The following CCDC85C variants were observed in gnomAD, a reference collection of about 807,000 sequenced individuals.
CCDC85C encodes the protein coiled-coil domain containing 85C, also known as coiled-coil domain-containing protein 85C.
A neutral mutation model predicts 38.3 loss-of-function variants in CCDC85C; 18 were observed. That is an observed-to-expected ratio of 0.47 (90% confidence interval 0.33 to 0.70). The LOEUF (loss-of-function observed/expected upper bound fraction) is 0.70. Among genes scored for constraint, CCDC85C ranks in the 30% least tolerant of loss-of-function variants. CCDC85C has a pLI of 0.03. For missense variants in CCDC85C, 566 were observed against 621.2 expected, an observed-to-expected ratio of 0.91 and a Z score of 0.94; for synonymous variants, 264 against 293.8, an observed-to-expected ratio of 0.90 and a Z score of 1.04.
intron 1 of CCDC85C, among the ~76,000 whole-genome samples, chr14:99,551,596 GTGAGTGTGCAGGTGGGTGAGCAGT>G (rs1219839729): frequency 6.7e-6 from 1 of 149,400 alleles, no homozygotes; most frequent in African/African-American, 2.5e-5. Context: ...TGGGTGAGAG[GTGAGTGTGCAGGTGGGTGAGCAGT>G]TGAGTGTGCA....
chr14:99,603,001 C>T lies in CCDC85C; in HGVS notation c.793+166G>A, dbSNP rs1456888817. Among the ~76,000 whole-genome samples, 1 of 152,222 alleles carries T rather than the reference C, an allele frequency of 6.6e-6. No homozygotes were observed. The highest frequency in any genetic ancestry group is 1.5e-5 in the Non-Finnish European group (1 of 68,032). ...CGGCCCACCACCGCCCAAAGCCCCA[C>T]TTTGGGTGAGTGCGGGATCCCCTGG... is the stretch of plus-strand genomic sequence containing the variant. On this transcript the variant is annotated intron_variant, in intron 1 of 5. Coordinates refer to ENST00000380243, the MANE Select transcript of CCDC85C (RefSeq NM_001144995.2). This position sits in a 1 kb window ranked among gnomAD's most constrained non-coding sequence, Gnocchi z 7.5.
chr14:99,503,654 T>C lies in CCDC85C; in HGVS notation c.*11592A>G, dbSNP rs1896898328. 1 of 1,553,944 alleles carries C rather than the reference T, an allele frequency of 6.4e-7. No homozygotes were observed. Among genetic ancestry groups the C allele is most frequent in the Non-Finnish European group, 8.7e-7 (1 of 1,147,384 alleles). ...GAGAACAAAGCAGCAGGTAATTTCCTGTTCTGATGTTTTTTTAGTTTTATG... is the reference window on the plus strand; with the variant it reads ...GAGAACAAAGCAGCAGGTAATTTCCCGTTCTGATGTTTTTTTAGTTTTATG... On this transcript the variant is annotated 3_prime_UTR_variant, in exon 6 of 6. Coordinates refer to ENST00000380243, the MANE Select transcript of CCDC85C (RefSeq NM_001144995.2).
At chr14:99,531,746 T>C (rs1897498590) in intron 2 of CCDC85C, among the ~76,000 whole-genome samples, 2 of 150,372 alleles carry the variant, frequency 1.3e-5, no homozygotes, top group African/African-American at 4.9e-5. Flanking sequence ...GAGGTGGGGG[T>C]TTCTGTACAA....
intron 1 of CCDC85C, among the ~76,000 whole-genome samples, chr14:99,574,196 T>C (rs1898420435): frequency 6.6e-6 from 1 of 152,160 alleles, no homozygotes; most frequent in African/African-American, 2.4e-5. Context: ...AGCTGTGCTC[T>C]CTGACCCGCC....
At chr14:99,518,849 A>C (rs1310024862) in intron 3 of CCDC85C, among the ~76,000 whole-genome samples, 1 of 152,118 alleles carries the variant, frequency 6.6e-6, no homozygotes, top group Non-Finnish European at 1.5e-5. Context: ...TGCCCGCCTC[A>C]CTGGGCAGTG....
rs1346352588 is a variant in CCDC85C, at chr14:99,522,218, C to T, written c.890G>A (p.Arg297His). ...GGGCGAGAAGCCTTTCCGCAGCGTG[C>T]GGAACTCTCCGGAGCCTGCCTGCTG... ...LAQQAGSGEF[R>H]TLRKGFSPYH... The change falls in exon 3 of 6, where the codon CGC (arginine) becomes CAC (histidine). Residue 297 changes from arginine to histidine, a missense_variant. Arg to His is a conservative substitution (Grantham distance 29). This residue lies in a region of CCDC85C where 286 missense variants were observed against 276.4 expected (regional missense o/e 1.03). Coordinates refer to ENST00000380243, the MANE Select transcript of CCDC85C (RefSeq NM_001144995.2). 31 of 1,549,304 alleles carry T rather than the reference C, an allele frequency of 2.0e-5. No individual in the cohort carries two copies. In the Admixed American group the frequency reaches 2.2e-4, roughly 11 times the overall value.
At chr14:99,596,405 T>C (rs2055143543) in intron 1 of CCDC85C, among the ~76,000 whole-genome samples, 1 of 151,978 alleles carries the variant, frequency 6.6e-6, no homozygotes, top group Non-Finnish European at 1.5e-5. Context: ...GGCCATCTAC[T>C]GTAGTTAAAC....
chr14:99,522,219 G>A lies in CCDC85C; in HGVS notation c.889C>T (p.Arg297Cys), dbSNP rs904932556. The A allele has an allele frequency of 1.9e-5, 30 of 1,549,430 alleles. No homozygotes were observed. Among genetic ancestry groups the A allele is most frequent in the Admixed American group, 9.8e-5 (5 of 50,978 alleles). The change falls in exon 3 of 6, where the codon CGC becomes TGC. Residue 297 changes from arginine to cysteine, a missense_variant. By Grantham distance (180) the Arg-to-Cys change is radical (BLOSUM62 -3). This residue lies in a region of CCDC85C where 286 missense variants were observed against 276.4 expected (regional missense o/e 1.03). Transcript: ENST00000380243. Reference sequence around the variant, plus strand: ...GGCGAGAAGCCTTTCCGCAGCGTGCGGAACTCTCCGGAGCCTGCCTGCTGC... The same window carrying A: ...GGCGAGAAGCCTTTCCGCAGCGTGCAGAACTCTCCGGAGCCTGCCTGCTGC... ...LAQQAGSGEF[R>C]TLRKGFSPYH...
chr14:99,561,792 T>A (rs1898122250), intron 1 of CCDC85C, among the ~76,000 whole-genome samples: 1 of 152,132 alleles, frequency 6.6e-6, no homozygotes, highest in African/African-American at 2.4e-5. Flanking sequence ...AGAGGAGGGA[T>A]GCCAGGTGGG....
chr14:99,537,274 T>A (rs1252064615), intron 1 of CCDC85C, among the ~76,000 whole-genome samples: 1 of 152,064 alleles, frequency 6.6e-6, no homozygotes, highest in South Asian at 2.1e-4. Flanking sequence ...ATCAGCCCCT[T>A]TGACCACACA....
At chr14:99,564,511 T>C (rs924849201) in intron 1 of CCDC85C, among the ~76,000 whole-genome samples, 1 of 152,220 alleles carries the variant, frequency 6.6e-6, no homozygotes, top group African/African-American at 2.4e-5. Flanking sequence ...CACGACACCG[T>C]TTATCTGTCC....
intron 2 of CCDC85C, among the ~76,000 whole-genome samples, chr14:99,531,372 C>T (rs548396068): frequency 2.0e-4 from 31 of 152,188 alleles, no homozygotes; most frequent in African/African-American, 6.3e-4. Context: ...CCGCCCCCAG[C>T]CCAGCCCGGC....
chr14:99,554,389 C>T (rs1459464618), intron 1 of CCDC85C, among the ~76,000 whole-genome samples: 2 of 152,350 alleles, frequency 1.3e-5, no homozygotes, highest in East Asian at 3.9e-4. Context: ...TGTGCCCGCC[C>T]GGCACAGCAG....
At chr14:99,597,053 C>G (rs1167098371) in intron 1 of CCDC85C, among the ~76,000 whole-genome samples, 1 of 152,148 alleles carries the variant, frequency 6.6e-6, no homozygotes. Flanking sequence ...CTGGAACCTA[C>G]AGAAGGCTCT....
chr14:99,534,150 G>GT (rs1347628601), intron 2 of CCDC85C, among the ~76,000 whole-genome samples: 3 of 152,146 alleles, frequency 2.0e-5, no homozygotes, highest in African/African-American at 7.2e-5. Flanking sequence ...GAGGTCGGGA[G>GT]TTCGAGACCA....
intron 1 of CCDC85C, among the ~76,000 whole-genome samples, chr14:99,599,817 G>A (rs1031742058): frequency 2.4e-4 from 37 of 152,180 alleles, no homozygotes; most frequent in East Asian, 7.7e-4. Context: ...TGAGGTTGCC[G>A]CGAGCCATGA....
rs532928894 is a variant in CCDC85C at position 99,503,210 on chromosome 14, T to C, written c.*12036A>G. 3 of 687,848 alleles carry C rather than the reference T, an allele frequency of 4.4e-6. No homozygotes were observed. Among genetic ancestry groups the C allele is most frequent in the African/African-American group, 1.8e-5 (1 of 57,024 alleles). 42.6% of individuals were successfully genotyped at this position (687,848 alleles called of 1,614,324 possible). ...GGGGCTCTCTGCCCGGCTCCAGCCC[T>C]GCTGCCTGTTTCATCCCTGCCAGGG... On this transcript the variant is annotated 3_prime_UTR_variant, in exon 6 of 6. Coordinates refer to ENST00000380243, the MANE Select transcript of CCDC85C (RefSeq NM_001144995.2).
Position 99,520,861 on chromosome 14 carries a change from C to T in CCDC85C, c.975+1272G>A, listed in dbSNP as rs1897294588. Reference sequence around the variant, plus strand: ...GAAAAAAGGAGGCAAGAGGAACAAACCCTTTCCCAAGGCTGCCTCCTCCAG... The same window carrying T: ...GAAAAAAGGAGGCAAGAGGAACAAATCCTTTCCCAAGGCTGCCTCCTCCAG... On this transcript the variant is annotated intron_variant, in intron 3 of 5. Coordinates refer to ENST00000380243, the MANE Select transcript of CCDC85C (RefSeq NM_001144995.2). This position sits in a 1 kb window ranked among gnomAD's most constrained non-coding sequence, Gnocchi z 4.1. Among the ~76,000 whole-genome samples the T allele has an allele frequency of 1.3e-5, 2 of 152,244 alleles. 1 individual carries two copies. Among genetic ancestry groups the T allele is most frequent in the South Asian group, 4.1e-4 (2 of 4,834 alleles).
At chr14:99,519,460 G>A (rs1897274479) in intron 3 of CCDC85C, among the ~76,000 whole-genome samples, 1 of 152,170 alleles carries the variant, frequency 6.6e-6, no homozygotes, top group South Asian at 2.1e-4. Flanking sequence ...CTAAGAGAAT[G>A]GCTTGCCCAA....
Sources: gnomAD v4.1 joint callset for allele counts (sites outside exome capture counted in the v4.1 genomes callset) on GRCh38, gnomAD v4.1.1 for gene constraint, gnomAD v4.1.1 regional missense constraint, Gnocchi (gnomAD v3.1) non-coding constraint, MANE v1.5 for transcripts, NCBI Gene and HGNC (gene_info 2026-07-23, HGNC 2026-07-21) for gene names.